TNRC6A: variants seen among roughly 807,000 people sequenced by gnomAD.
TNRC6A encodes trinucleotide repeat-containing gene 6A protein.
TNRC6A carries 44 observed loss-of-function variants against 221.2 expected under a neutral mutation model. The ratio of observed to expected loss-of-function variants is 0.20; its 90% CI spans 0.16 to 0.26. The LOEUF is 0.26. Ranked by LOEUF, TNRC6A falls within the 10% of genes least tolerant of loss-of-function variation. The pLI is 1.00. For missense variants in TNRC6A, 2,199 were observed against 2,404.4 expected, an observed-to-expected ratio of 0.91 and a Z score of 1.79; for synonymous variants, 847 against 838.5, an observed-to-expected ratio of 1.01 and a Z score of -0.18.
intron 18 of TNRC6A, among the ~76,000 whole-genome samples, chr16:24,810,858 C>T (rs941270283): frequency 6.6e-6 from 1 of 152,130 alleles, no homozygotes; most frequent in African/African-American, 2.4e-5. Context: ...AGAGGGAGTA[C>T]ACTGCAAGAG....
At chr16:24,696,248 T>TGAGGCAGGAGAATGGCATG (rs2055857304) in intron 2 of TNRC6A, among the ~76,000 whole-genome samples, 1 of 149,650 alleles carries the variant, frequency 6.7e-6, no homozygotes, top group Non-Finnish European at 1.5e-5. Flanking sequence ...CTCGGGAGGC[T>TGAGGCAGGAGAATGGCATG]GAGGCAGGAG....
intron 1 of TNRC6A, among the ~76,000 whole-genome samples, chr16:24,617,529 C>T (rs980448694): frequency 1.3e-5 from 2 of 152,154 alleles, no homozygotes; most frequent in African/African-American, 4.8e-5. Flanking sequence ...AAGAAATATG[C>T]TTCTTTTATT....
At chr16:24,670,577 A>G (rs1182835608) in intron 2 of TNRC6A, among the ~76,000 whole-genome samples, 1 of 152,132 alleles carries the variant, frequency 6.6e-6, no homozygotes, top group Non-Finnish European at 1.5e-5. Flanking sequence ...TTCTTTTCAA[A>G]TTCAGTAGAC....
intron 2 of TNRC6A, among the ~76,000 whole-genome samples, chr16:24,708,143 C>T (rs1173378874): frequency 6.6e-6 from 1 of 151,730 alleles, no homozygotes; most frequent in Non-Finnish European, 1.5e-5. Flanking sequence ...TGAAAACTGA[C>T]ATGCTCTTCG....
intron 2 of TNRC6A, among the ~76,000 whole-genome samples, chr16:24,749,554 C>G (rs1007309619): frequency 7.2e-5 from 11 of 152,278 alleles, no homozygotes; most frequent in African/African-American, 2.2e-4. Context: ...GCTTCATGCT[C>G]TCTTGCTCTG....
At chr16:24,755,222 G>C (rs1379856970) in intron 3 of TNRC6A, among the ~76,000 whole-genome samples, 1 of 152,202 alleles carries the variant, frequency 6.6e-6, no homozygotes, top group Non-Finnish European at 1.5e-5. Context: ...TTTAAAATCA[G>C]TGAATTGAGC....
intron 2 of TNRC6A, among the ~76,000 whole-genome samples, chr16:24,655,276 T>A (rs1415497299): frequency 5.3e-5 from 8 of 151,874 alleles, no homozygotes; most frequent in Non-Finnish European, 7.4e-5. Flanking sequence ...GGGGGAACAC[T>A]GATAGAAAAA....
chr16:24,779,772 G>A (rs1318415344), intron 5 of TNRC6A, among the ~76,000 whole-genome samples: 3 of 152,166 alleles, frequency 2.0e-5, no homozygotes, highest in Non-Finnish European at 4.4e-5. Flanking sequence ...ACTACATGTA[G>A]TTCAGAATTG....
rs750160850 is a variant in TNRC6A, at chr16:24,790,994, C to T, written c.2352C>T (p.Gly784=). Residue 784 remains glycine, a synonymous_variant, in exon 6 of 25, where the codon GGC becomes GGT. Coordinates refer to ENST00000395799, the MANE Select transcript of TNRC6A (RefSeq NM_014494.4). ...ATACCTCATCTGTATCAGGGTGGGG[C>T]GATCCCAAACCTGCTCTGAGGTGGG... is the stretch of plus-strand genomic sequence containing the variant. ...GNDTSSVSGW[G]DPKPALRWGD... 13 of 1,597,464 alleles carry T rather than the reference C, an allele frequency of 8.1e-6. No individual in the cohort carries two copies. Among genetic ancestry groups the T allele is most frequent in the African/African-American group, 1.3e-5 (1 of 74,646 alleles).
At chr16:24,689,375 A>G (rs1179660882) in intron 2 of TNRC6A, among the ~76,000 whole-genome samples, 1 of 152,220 alleles carries the variant, frequency 6.6e-6, no homozygotes, top group African/African-American at 2.4e-5. Flanking sequence ...CCATGCAGCA[A>G]GAGGATGTCT....
intron 2 of TNRC6A, among the ~76,000 whole-genome samples, chr16:24,734,021 A>G (rs1021780515): frequency 6.6e-6 from 1 of 152,148 alleles, no homozygotes; most frequent in Non-Finnish European, 1.5e-5. Context: ...AAGAATTTTA[A>G]AAAATTAGCT....
At chr16:24,725,253 T>C (rs2056472300), upstream of TNRC6A, among the ~76,000 whole-genome samples, 1 of 152,090 alleles carries the variant, frequency 6.6e-6, no homozygotes, top group African/African-American at 2.4e-5. Context: ...TACTGCAACC[T>C]ACCCCCTGCC....
intron 2 of TNRC6A, among the ~76,000 whole-genome samples, chr16:24,687,364 A>G (rs2055647736): frequency 6.6e-6 from 1 of 152,204 alleles, no homozygotes; most frequent in African/African-American, 2.4e-5. Context: ...ATGAATGACT[A>G]AAGGATGAAT....
intron 17 of TNRC6A, 75 bp from the exon 18 acceptor site, chr16:24,809,275 G>A: frequency 7.6e-7 from 1 of 1,308,580 alleles, no homozygotes. Flanking sequence ...GTTTTTCTAG[G>A]AAATAGAAGT....
chr16:24,815,324 CT>C lies in TNRC6A; in HGVS notation c.4831+22del, dbSNP rs764538128. The C allele has an allele frequency of 1.9e-6, 3 of 1,613,288 alleles. No homozygotes were observed. Among genetic ancestry groups the C allele is most frequent in the Non-Finnish European group, 2.5e-6 (3 of 1,179,428 alleles). ...CCACCAGGTAAAATTTTTTCTAACA[CT>C]TTCTTTCATGAGACTGTGTTTCCAT... On this transcript the variant is annotated intron_variant, in intron 19 of 24. Coordinates refer to ENST00000395799, the MANE Select transcript of TNRC6A (RefSeq NM_014494.4).
intron 2 of TNRC6A, among the ~76,000 whole-genome samples, chr16:24,649,695 A>G (rs1048454638): frequency 3.3e-5 from 5 of 151,874 alleles, no homozygotes; most frequent in African/African-American, 1.2e-4. Flanking sequence ...GTTATTAACC[A>G]TACTCACCAT....
chr16:24,677,172 T>A lies in TNRC6A; in HGVS notation n.402+36163T>A, dbSNP rs140881625. Among the ~76,000 whole-genome samples the A allele has an allele frequency of 4.5e-3, 678 of 150,720 alleles. 5 individuals carry two copies. Among genetic ancestry groups the A allele is most frequent in the African/African-American group, 0.016 (655 of 41,104 alleles). On this transcript the variant is annotated intron_variant and non_coding_transcript_variant, in intron 2 of 2. Transcript: ENST00000566108. ...CCGTTTCCTTTTTTTTTCTTTTTTTTTTTTTTCCCTGACAGAGTCTCGCTC... is the reference window on the plus strand; with the variant it reads ...CCGTTTCCTTTTTTTTTCTTTTTTTATTTTTTCCCTGACAGAGTCTCGCTC...
At chr16:24,808,457 C>T (rs576569390) in intron 17 of TNRC6A, among the ~76,000 whole-genome samples, 37 of 152,328 alleles carry the variant, frequency 2.4e-4, no homozygotes, top group Non-Finnish European at 3.8e-4. Context: ...TGGCTGCTTT[C>T]GTGCTGCACC....
At chr16:24,713,756 C>T (rs2056256753) in intron 2 of TNRC6A, among the ~76,000 whole-genome samples, 1 of 152,064 alleles carries the variant, frequency 6.6e-6, no homozygotes, top group African/African-American at 2.4e-5. Flanking sequence ...AAGTGATTCT[C>T]CTGCCTCAGC....
Sources: gnomAD v4.1 joint callset for allele counts (sites outside exome capture counted in the v4.1 genomes callset) on GRCh38, gnomAD v4.1.1 for gene constraint, MANE v1.5 for transcripts, NCBI Gene and HGNC (gene_info 2026-07-23, HGNC 2026-07-21) for gene names.